The following ROBO1 variants were observed in gnomAD, a reference collection of about 807,000 sequenced individuals.
The protein encoded by ROBO1 is roundabout homolog 1.
A neutral mutation model predicts 195.9 loss-of-function variants in ROBO1; 149 were observed. The observed-to-expected ratio is 0.76, with a 90% CI of 0.67 to 0.87. ROBO1 has a LOEUF of 0.87. Among genes scored for constraint, ROBO1 ranks in the 40% least tolerant of loss-of-function variants. ROBO1 has a pLI of 0.00. For missense variants in ROBO1, 1,933 were observed against 2,068.3 expected, an observed-to-expected ratio of 0.93 and a Z score of 1.27; for synonymous variants, 816 against 733.2, an observed-to-expected ratio of 1.11 and a Z score of -1.82.
At chr3:79,519,178 T>C (rs2107570789) in intron 2 of ROBO1, among the ~76,000 whole-genome samples, 1 of 152,184 alleles carries the variant, frequency 6.6e-6, no homozygotes, top group African/African-American at 2.4e-5. Context: ...ATGCTATTCT[T>C]GTGGTAGAGG....
intron 1 of ROBO1, among the ~76,000 whole-genome samples, chr3:79,712,849 A>T (rs1702327954): frequency 1.3e-5 from 2 of 152,074 alleles, no homozygotes; most frequent in East Asian, 3.9e-4. Context: ...GAATGATGCT[A>T]AATCTATTCC....
chr3:79,635,126 AAC>A (rs1394299519), intron 1 of ROBO1, among the ~76,000 whole-genome samples: 1 of 152,172 alleles, frequency 6.6e-6, no homozygotes, highest in Non-Finnish European at 1.5e-5. Context: ...TGTGGACTTA[AAC>A]ACAACAGGCC....
intron 4 of ROBO1, among the ~76,000 whole-genome samples, chr3:78,769,144 G>C (rs966300414): frequency 6.6e-6 from 1 of 152,096 alleles, no homozygotes; most frequent in East Asian, 1.9e-4. Context: ...AGCCTGTCTA[G>C]TGCTGTCAGT....
At chr3:79,701,176 G>C (rs2107159873) in intron 1 of ROBO1, among the ~76,000 whole-genome samples, 1 of 151,664 alleles carries the variant, frequency 6.6e-6, no homozygotes, top group Non-Finnish European at 1.5e-5. Flanking sequence ...CCATTCCACT[G>C]GTTGATATGT....
At chr3:78,779,506 A>C (rs111510330) in intron 4 of ROBO1, among the ~76,000 whole-genome samples, 3 of 152,222 alleles carry the variant, frequency 2.0e-5, no homozygotes, top group African/African-American at 7.2e-5. Flanking sequence ...ATATGAAAAA[A>C]AGCTCACCAT....
chr3:78,947,215 T>C lies in ROBO1; in HGVS notation c.173-8288A>G, dbSNP rs544697235. Among the ~76,000 whole-genome samples the C allele has an allele frequency of 3.0e-3, 461 of 152,232 alleles. 2 individuals carry two copies. The highest frequency in any genetic ancestry group is 6.8e-3 in the Middle Eastern group (2 of 294). ...AACTCTCCACCCCAAATCAACAGAA[T>C]ATACATTCTTTTCAGCACCACACCA... On this transcript the variant is annotated intron_variant, in intron 3 of 30. Transcript: ENST00000464233.
intron 2 of ROBO1, among the ~76,000 whole-genome samples, chr3:79,213,342 T>C (rs1200788952): frequency 2.0e-5 from 3 of 152,210 alleles, no homozygotes; most frequent in Non-Finnish European, 4.4e-5. Flanking sequence ...ACTTAAATTG[T>C]ATCTAAGTTG....
chr3:79,293,211 G>C (rs897865303), intron 2 of ROBO1, among the ~76,000 whole-genome samples: 3 of 152,126 alleles, frequency 2.0e-5, no homozygotes, highest in African/African-American at 7.2e-5. Flanking sequence ...GTATTTCTGT[G>C]AGATCAGTGG....
intron 1 of ROBO1, among the ~76,000 whole-genome samples, chr3:79,739,438 T>C (rs1703530703): frequency 6.6e-6 from 1 of 152,180 alleles, no homozygotes; most frequent in African/African-American, 2.4e-5. Flanking sequence ...TTATAAGTGG[T>C]CTGGGTTTGG....
At chr3:79,060,822 A>G (rs1017589453) in intron 3 of ROBO1, among the ~76,000 whole-genome samples, 1 of 152,166 alleles carries the variant, frequency 6.6e-6, no homozygotes, top group Non-Finnish European at 1.5e-5. Context: ...AAAACTCTCA[A>G]TAAACTAGGT....
chr3:79,084,832 A>G (rs2079338871), intron 3 of ROBO1, among the ~76,000 whole-genome samples: 2 of 152,270 alleles, frequency 1.3e-5, no homozygotes, highest in Admixed American at 6.5e-5. Flanking sequence ...AAATTTAGTT[A>G]TTGAGATTCT....
chr3:79,089,713 GAAGAT>G, intron 3 of ROBO1, among the ~76,000 whole-genome samples: 6 of 152,176 alleles, frequency 3.9e-5, no homozygotes, highest in Admixed American at 3.9e-4. Context: ...TTCCAATCTA[GAAGAT>G]AAGAATATTC....
At position 79,163,142 on chromosome 3, in the gene ROBO1, C is replaced by CTT. The variant is rs1576757073; in HGVS notation, c.89-37604_89-37603insAA. Among the ~76,000 whole-genome samples the CTT allele has an allele frequency of 2.6e-5, 4 of 152,170 alleles. No homozygotes were observed. In the East Asian group the frequency reaches 7.7e-4, roughly 29 times the overall value. The stretch of plus-strand genomic sequence containing the variant: ...CACAAAACTCTGTTCATCTTAAAGA[C>CTT]TGAAATTCTGTACCCACTAAACAAG... On this transcript the variant is annotated intron_variant, in intron 2 of 30. Coordinates refer to ENST00000464233, the MANE Select transcript of ROBO1 (RefSeq NM_002941.4).
intron 4 of ROBO1, among the ~76,000 whole-genome samples, chr3:78,886,042 T>G (rs1356199199): frequency 6.6e-6 from 1 of 150,814 alleles, no homozygotes; most frequent in Non-Finnish European, 1.5e-5. Context: ...TTCTAACATT[T>G]GATATATGAC....
intron 2 of ROBO1, among the ~76,000 whole-genome samples, chr3:79,402,929 A>T (rs2037417008): frequency 1.3e-5 from 2 of 151,744 alleles, no homozygotes; most frequent in African/African-American, 4.8e-5. Context: ...TCTGGTGGAG[A>T]TTTCTGGTGG....
At chr3:79,615,105 C>T (rs1241915348) in intron 1 of ROBO1, among the ~76,000 whole-genome samples, 1 of 152,072 alleles carries the variant, frequency 6.6e-6, no homozygotes, top group Non-Finnish European at 1.5e-5. Flanking sequence ...ATATCCTCCT[C>T]CCTTTGCAAT....
In ROBO1 at chr3:78,617,822, A is replaced by G. The variant is rs1296102013; in HGVS notation, c.4095T>C (p.Ser1365=). 6.2e-7 allele frequency: 1 copy of G among 1,613,942 alleles called. No homozygotes were observed. Among genetic ancestry groups the G allele is most frequent in the Admixed American group, 1.7e-5 (1 of 60,026 alleles). ...AGCCGTTGATCATGGACCCCGTGACAGAGCTCTCCAGGTCCCCAACACTGG... is the reference window on the plus strand; with the variant it reads ...AGCCGTTGATCATGGACCCCGTGACGGAGCTCTCCAGGTCCCCAACACTGG... ...PASSVGDLES[S]VTGSMINGWG... Residue 1365 remains serine (S), a synonymous_variant, in exon 27 of 31, where the codon TCT becomes TCC. Transcript: ENST00000464233.
chr3:78,800,659 C>T (rs746061455), intron 4 of ROBO1, among the ~76,000 whole-genome samples: 1 of 152,076 alleles, frequency 6.6e-6, no homozygotes, highest in African/African-American at 2.4e-5. Flanking sequence ...TGGGTTCAAG[C>T]GATTCTCCTG....
chr3:78,760,851 G>GGGTTAGTC (rs2083082913), intron 4 of ROBO1, among the ~76,000 whole-genome samples: 2 of 151,860 alleles, frequency 1.3e-5, no homozygotes, highest in South Asian at 4.2e-4. Context: ...TTTGTTGCGT[G>GGGTTAGTC]GGTTAGTCTT....
Sources: gnomAD v4.1 joint callset for allele counts (sites outside exome capture counted in the v4.1 genomes callset) on GRCh38, gnomAD v4.1.1 for gene constraint, MANE v1.5 for transcripts, NCBI Gene and HGNC (gene_info 2026-07-23, HGNC 2026-07-21) for gene names.